Variants in MICALL2 observed in about 807,000 individuals in gnomAD.
MICALL2 encodes the protein MICAL-like protein 2.
In MICALL2, 111 loss-of-function variants were observed where a neutral mutation model predicts 91.1. That is an observed-to-expected ratio of 1.22 (90% confidence interval 1.04 to 1.43). The LOEUF (loss-of-function observed/expected upper bound fraction) is 1.43. MICALL2 is among the 40% of genes most tolerant of loss of function. MICALL2 has a pLI of 0.00. For synonymous variants in MICALL2, 694 were observed against 525.3 expected (o/e 1.32, Z -4.39); for missense variants, 1,556 against 1,236.0 (o/e 1.26, Z -3.88).
rs1476908799 is a variant in MICALL2, at chr7:1,459,165, G to A, written c.143+19C>T. The stretch of plus-strand genomic sequence containing the variant: ...CAGCCGAACAGCAGAAGAATCAAAG[G>A]GCGCCAGGCAGGACTTACATGAGGT... On this transcript the variant is annotated intron_variant, in intron 1 of 16. Transcript: ENST00000297508. 6.3e-6 allele frequency: 10 copies of A among 1,599,002 alleles called. No individual in the cohort carries two copies. Among genetic ancestry groups the A allele is most frequent in the Admixed American group, 1.7e-5 (1 of 58,546 alleles).
chr7:1,451,492 C>T lies in MICALL2; in HGVS notation c.144-1204G>A, dbSNP rs146081247. 6.4e-3 allele frequency among the ~76,000 whole-genome samples: 971 copies of T among 152,294 alleles called. 12 individuals are homozygous for T. Among genetic ancestry groups the T allele is most frequent in the African/African-American group, 0.022 (918 of 41,550 alleles). ...GATCAGCCTGGGTAACACACTGAGA[C>T]CCCGTCTCAGAAAAACAAAAATATA... is the stretch of plus-strand genomic sequence containing the variant. On this transcript the variant is annotated intron_variant, in intron 1 of 16. Coordinates refer to ENST00000297508, the MANE Select transcript of MICALL2 (RefSeq NM_182924.4). This position sits in a 1 kb window ranked among gnomAD's most constrained non-coding sequence, Gnocchi z 4.5.
rs537907423 is a variant in MICALL2 at position 1,447,441 on chromosome 7, G to A, written c.525+134C>T. The A allele has an allele frequency of 1.6e-4, 95 of 591,652 alleles. 2 individuals carry two copies. In the South Asian group the frequency reaches 2.0e-3, roughly 13 times the overall value. 36.7% of individuals were successfully genotyped at this position (591,652 alleles called of 1,614,324 possible). ...GGTCCTGGCGGCTCTTGCTAAGGCTGAGCCCTGGACTGGGGGAGCCGCACC... is the reference window on the plus strand; with the variant it reads ...GGTCCTGGCGGCTCTTGCTAAGGCTAAGCCCTGGACTGGGGGAGCCGCACC... On this transcript the variant is annotated intron_variant, in intron 4 of 16. Coordinates refer to ENST00000297508, the MANE Select transcript of MICALL2 (RefSeq NM_182924.4).
At chr7:1,437,168 G>C (rs867227665) in intron 14 of MICALL2, 6 of 483,804 alleles carry the variant, frequency 1.2e-5, no homozygotes, top group African/African-American at 1.2e-4. Flanking sequence ...GACGGCCTGG[G>C]CCTGTGCCCT....
chr7:1,439,875 G>A, intron 9 of MICALL2, 50 bp downstream of exon 9: 1 of 1,376,892 alleles, frequency 7.3e-7, no homozygotes, highest in Non-Finnish European at 9.4e-7. Flanking sequence ...CACCCAAGGG[G>A]GAGGGCCAGC....
At chr7:1,434,986 C>A (rs1584190254) in intron 16 of MICALL2, 115 bp downstream of exon 16, 11 of 108,484 alleles carry the variant, frequency 1.0e-4, no homozygotes, top group South Asian at 1.7e-4. Context: ...CCGATACCCG[C>A]CCCCCCCCCA....
chr7:1,436,892 C>A (rs1779994400), intron 14 of MICALL2, 36 bp from the exon 15 acceptor site: 2 of 1,442,710 alleles, frequency 1.4e-6, no homozygotes, highest in South Asian at 2.6e-5. Flanking sequence ...GCCCCCCCCA[C>A]CACTGCCATG....
intron 15 of MICALL2, 54 bp from the exon 16 acceptor site, chr7:1,435,201 G>A: frequency 1.9e-6 from 3 of 1,591,152 alleles, no homozygotes; most frequent in Non-Finnish European, 2.6e-6. Flanking sequence ...AGGTGCCCTG[G>A]AGGGGCCTCC....
At chr7:1,443,691 A>G (rs1478816615) in intron 6 of MICALL2, among the ~76,000 whole-genome samples, 2 of 152,154 alleles carry the variant, frequency 1.3e-5, no homozygotes, top group African/African-American at 2.4e-5. Context: ...GAGGGAGGCG[A>G]CCACAAGCCA....
chr7:1,444,981 G>A lies in MICALL2; in HGVS notation c.1089C>T (p.Ala363=), dbSNP rs977749100. The A allele has an allele frequency of 5.5e-5, 83 of 1,506,278 alleles. No individual in the cohort carries two copies. The highest frequency in any genetic ancestry group is 1.7e-4 in the Middle Eastern group (1 of 5,726). The allele number at this position is 1,506,278 out of a possible 1,614,324, so 93.3% of individuals were successfully genotyped here. The part of the protein sequence containing the change: ...PCTAAAASHP[A]VPPSAPDPRP... ...GAGGGTCTGGGGCACTCGGGGGCAC[G>A]GCGGGATGGGAGGCAGCCGCTGCTG... is the stretch of plus-strand genomic sequence containing the variant. Residue 363 remains alanine (A), a synonymous_variant, in exon 6 of 17, where the codon GCC becomes GCT. Coordinates refer to ENST00000297508, the MANE Select transcript of MICALL2 (RefSeq NM_182924.4).
chr7:1,435,200 G>A lies in MICALL2; in HGVS notation c.2592-53C>T, dbSNP rs919240135. 2.0e-5 allele frequency: 32 copies of A among 1,590,002 alleles called. 1 individual carries two copies. The highest frequency in any genetic ancestry group is 2.6e-5 in the Non-Finnish European group (30 of 1,159,876). ...GACAATGGCAATGGCAAGGTGCCCT[G>A]GAGGGGCCTCCGGACAGTCTCCAGC... On this transcript the variant is annotated intron_variant, in intron 15 of 16. Coordinates refer to ENST00000297508, the MANE Select transcript of MICALL2 (RefSeq NM_182924.4).
chr7:1,455,161 T>C (rs1029782908), intron 1 of MICALL2, among the ~76,000 whole-genome samples: 1 of 152,164 alleles, frequency 6.6e-6, no homozygotes, highest in Non-Finnish European at 1.5e-5. Flanking sequence ...CCAGACACGC[T>C]GTGCCCCCTG....
rs11980797 is a variant in MICALL2 at position 1,438,345 on chromosome 7, A to C, written c.2131T>G (p.Leu711Val). Residue 711 changes from leucine to valine, a missense_variant, in exon 11 of 17, where the codon TTG (leucine) becomes GTG (valine). By Grantham distance (32) the Leu-to-Val change is conservative (BLOSUM62 1). Coordinates refer to ENST00000297508, the MANE Select transcript of MICALL2 (RefSeq NM_182924.4). Reference protein sequence around the residue: ...PHLQGKPGRPLSPANVPALPG... With the variant: ...PHLQGKPGRPVSPANVPALPG... Reference sequence around the variant, plus strand: ...AGAGCAGGGACATTGGCCGGGGACAAGGGTCTCCCTGGAGAAGGAGCAGGG... The same window carrying C: ...AGAGCAGGGACATTGGCCGGGGACACGGGTCTCCCTGGAGAAGGAGCAGGG... 0.015 allele frequency: 24,026 copies of C among 1,602,702 alleles called. 2,443 individuals carry two copies. The African/African-American group carries it at 0.25, about 17-fold the overall frequency.
rs1202939446 is a variant in MICALL2 at position 1,434,427 on chromosome 7, G to A, written c.*169C>T. On this transcript the variant is annotated 3_prime_UTR_variant, in exon 17 of 17. Transcript: ENST00000297508. ...TAGCGCAGGTCCCTGCTGTCCACAT[G>A]CCCCTTGTAGGGACAGGAGGCCCTT... is the stretch of plus-strand genomic sequence containing the variant. The A allele has an allele frequency of 2.8e-6, 2 of 705,264 alleles. No homozygotes were observed. The highest frequency in any genetic ancestry group is 5.2e-6 in the Non-Finnish European group (2 of 386,664). 43.7% of individuals were successfully genotyped at this position (705,264 alleles called of 1,614,324 possible).
In MICALL2 at chr7:1,444,963, T is replaced by G. The variant is rs112284186; in HGVS notation, c.1107A>C (p.Pro369=). ...CCTGGGGTGTGGCCGGGCGAGGGTC[T>G]GGGGCACTCGGGGGCACGGCGGGAT... The part of the protein sequence containing the change: ...ASHPAVPPSA[P]DPRPATPQGG... The change falls in exon 6 of 17, where the codon CCA becomes CCC. Residue 369 remains proline (P), a synonymous_variant. Transcript: ENST00000297508. The G allele has an allele frequency of 1.5e-4, 228 of 1,510,604 alleles. 1 individual carries two copies. In the African/African-American group the frequency reaches 2.7e-3, roughly 18 times the overall value. The allele number at this position is 1,510,604 out of a possible 1,614,324, so 93.6% of individuals were successfully genotyped here.
chr7:1,457,460 T>C (rs1781061195), intron 1 of MICALL2, among the ~76,000 whole-genome samples: 2 of 152,212 alleles, frequency 1.3e-5, no homozygotes, highest in Admixed American at 1.3e-4. Flanking sequence ...TGGGCTTTTA[T>C]TCATTTACCT....
Position 1,445,371 on chromosome 7 carries a change from C to T in MICALL2, c.699G>A (p.Pro233=), listed in dbSNP as rs771559442. Residue 233 remains proline, a synonymous_variant, in exon 6 of 17, where the codon CCG becomes CCA. Coordinates refer to ENST00000297508, the MANE Select transcript of MICALL2 (RefSeq NM_182924.4). The stretch of plus-strand genomic sequence containing the variant: ...GGTGGCTGGTGCAGACGAAGGTGCC[C>T]GGCTCTCCTGTGGCCTTGTAGGCCC... The part of the protein sequence containing the change: ...HSGAYKATGE[P]GTFVCTSHLP... 2.0e-5 allele frequency: 31 copies of T among 1,586,980 alleles called. No homozygotes were observed. The African/African-American group carries it at 2.0e-4, about 10-fold the overall frequency.
At position 1,450,222 on chromosome 7, in the gene MICALL2, G is replaced by A. The variant is rs200662564; in HGVS notation, c.192+18C>T. 499 of 1,610,124 alleles carry A rather than the reference G, an allele frequency of 3.1e-4. 1 individual carries two copies. Among genetic ancestry groups the A allele is most frequent in the African/African-American group, 1.2e-3 (89 of 74,996 alleles). On this transcript the variant is annotated intron_variant, in intron 2 of 16. Transcript: ENST00000297508. ...GGCTGGCTAAGCCAGCTGTGAGGCC[G>A]GGGCGGGGGCCACTCACCAGTTTAT...
At chr7:1,453,160 T>A (rs1171375091) in intron 1 of MICALL2, among the ~76,000 whole-genome samples, 1 of 151,444 alleles carries the variant, frequency 6.6e-6, no homozygotes, top group African/African-American at 2.4e-5. Flanking sequence ...CCCAAGAAAA[T>A]GACACATTGG....
chr7:1,443,660 T>C (rs76060706), intron 6 of MICALL2, among the ~76,000 whole-genome samples: 9,793 of 152,036 alleles, frequency 0.064, 1,020 homozygotes, highest in African/African-American at 0.22. Flanking sequence ...GAAGGCCACA[T>C]GGAAACGGAG....
Sources: gnomAD v4.1 joint callset for allele counts (sites outside exome capture counted in the v4.1 genomes callset) on GRCh38, gnomAD v4.1.1 for gene constraint, Gnocchi (gnomAD v3.1) non-coding constraint, MANE v1.5 for transcripts, NCBI Gene and HGNC (gene_info 2026-07-23, HGNC 2026-07-21) for gene names.